SPOCK1: variants seen among roughly 807,000 people sequenced by gnomAD.
The protein encoded by SPOCK1 is testican-1.
Under a neutral mutation model 55.3 loss-of-function variants are expected in SPOCK1, and 23 were observed. The observed-to-expected ratio is 0.42, with a 90% CI of 0.30 to 0.59. The LOEUF (loss-of-function observed/expected upper bound fraction) is 0.59, where lower values mean the gene tolerates loss of function less well. Ranked by LOEUF, SPOCK1 falls within the 20% of genes least tolerant of loss-of-function variation. SPOCK1 has a pLI of 0.22. For synonymous variants in SPOCK1, 226 were observed against 221.0 expected (o/e 1.02, Z -0.20); for missense variants, 499 against 552.5 (o/e 0.90, Z 0.97).
intron 2 of SPOCK1, among the ~76,000 whole-genome samples, chr5:137,390,944 G>A (rs1272609414): frequency 6.6e-6 from 1 of 152,132 alleles, no homozygotes; most frequent in Non-Finnish European, 1.5e-5. Context: ...GAACGTGCAG[G>A]TTTGTTACAT....
At chr5:136,981,647 C>T (rs147081488) in intron 9 of SPOCK1, among the ~76,000 whole-genome samples, 10 of 152,102 alleles carry the variant, frequency 6.6e-5, no homozygotes, top group African/African-American at 2.4e-4. Flanking sequence ...TGTGTTGTGG[C>T]CGGTAAGTTT....
At chr5:137,375,285 A>C (rs1751288938) in intron 2 of SPOCK1, among the ~76,000 whole-genome samples, 1 of 152,258 alleles carries the variant, frequency 6.6e-6, no homozygotes, top group African/African-American at 2.4e-5. Flanking sequence ...ACACCATGGT[A>C]ATCCCATAGA....
intron 2 of SPOCK1, among the ~76,000 whole-genome samples, chr5:137,456,937 A>T (rs944088397): frequency 1.6e-4 from 25 of 152,364 alleles, no homozygotes; most frequent in African/African-American, 5.8e-4. Flanking sequence ...TAGTGGGTAT[A>T]TTAACCTTTG....
At chr5:137,034,189 C>T (rs1751835456) in intron 6 of SPOCK1, among the ~76,000 whole-genome samples, 1 of 152,182 alleles carries the variant, frequency 6.6e-6, no homozygotes, top group Non-Finnish European at 1.5e-5. Flanking sequence ...TGCAGTAAGT[C>T]CCTGCCCTCA....
rs75749369 is a variant in SPOCK1, at chr5:137,086,181, G to A, written c.475-18352C>T. Among the ~76,000 whole-genome samples the A allele has an allele frequency of 5.4e-3, 817 of 152,178 alleles. 46 individuals carry two copies. The East Asian group carries it at 0.13, about 24-fold the overall frequency. On this transcript the variant is annotated intron_variant, in intron 5 of 10. Transcript: ENST00000394945. ...CCAGACCTTCTGCCTGAGCTCTGGG[G>A]CTCCTTCCTTCTACCCCTCCCTGCA...
intron 7 of SPOCK1, among the ~76,000 whole-genome samples, chr5:136,992,221 C>G (rs184578548): frequency 1.3e-5 from 2 of 152,218 alleles, no homozygotes; most frequent in African/African-American, 4.8e-5. Context: ...TACACACACA[C>G]GCTGTTTCAT....
chr5:137,409,099 C>G (rs921166256), intron 2 of SPOCK1, among the ~76,000 whole-genome samples: 5 of 152,154 alleles, frequency 3.3e-5, no homozygotes, highest in African/African-American at 1.2e-4. Context: ...CTCCAGTCCC[C>G]CATACAATCT....
At chr5:137,402,718 A>G (rs1228979719) in intron 2 of SPOCK1, among the ~76,000 whole-genome samples, 6 of 152,234 alleles carry the variant, frequency 3.9e-5, no homozygotes, top group Non-Finnish European at 7.3e-5. Context: ...GAGTGAGGGG[A>G]AAATATCTGA....
At chr5:137,391,857 G>A (rs1241080552) in intron 2 of SPOCK1, among the ~76,000 whole-genome samples, 1 of 152,124 alleles carries the variant, frequency 6.6e-6, no homozygotes, top group African/African-American at 2.4e-5. Context: ...CCAAAACAAA[G>A]GTCCTGGGCT....
chr5:137,249,477 G>A (rs1756464644), intron 3 of SPOCK1, among the ~76,000 whole-genome samples: 1 of 151,976 alleles, frequency 6.6e-6, no homozygotes, highest in African/African-American at 2.4e-5. Flanking sequence ...ACATGAAAAG[G>A]CAAGTATGCA....
At chr5:137,351,713 C>A (rs1257078281) in intron 2 of SPOCK1, among the ~76,000 whole-genome samples, 1 of 152,218 alleles carries the variant, frequency 6.6e-6, no homozygotes, top group Non-Finnish European at 1.5e-5. Flanking sequence ...CATATGGTAA[C>A]TAAACATTTC....
chr5:137,489,330 C>T (rs1044324881), intron 2 of SPOCK1, among the ~76,000 whole-genome samples: 4 of 152,158 alleles, frequency 2.6e-5, no homozygotes, highest in Non-Finnish European at 4.4e-5. Flanking sequence ...GAAGGAGCAA[C>T]CCCATGTATA....
At chr5:137,488,750 T>C (rs1754114245) in intron 2 of SPOCK1, among the ~76,000 whole-genome samples, 1 of 152,190 alleles carries the variant, frequency 6.6e-6, no homozygotes, top group Non-Finnish European at 1.5e-5. Context: ...TCCACTTCCC[T>C]GCTCCAATCA....
intron 6 of SPOCK1, among the ~76,000 whole-genome samples, chr5:137,013,427 T>A (rs1426152845): frequency 6.6e-6 from 1 of 152,236 alleles, no homozygotes; most frequent in African/African-American, 2.4e-5. Flanking sequence ...TGCAGCCTCG[T>A]GTTAAAGAGA....
intron 2 of SPOCK1, among the ~76,000 whole-genome samples, chr5:137,436,182 T>C (rs1006016450): frequency 3.3e-5 from 5 of 152,194 alleles, no homozygotes; most frequent in African/African-American, 1.2e-4. Flanking sequence ...ATATTAATTC[T>C]GTATGGAGAA....
chr5:137,082,666 C>T (rs1752895257), intron 5 of SPOCK1, among the ~76,000 whole-genome samples: 1 of 152,174 alleles, frequency 6.6e-6, no homozygotes, highest in South Asian at 2.1e-4. Context: ...CTTAGATTTC[C>T]ATCCTGGCTG....
chr5:137,170,821 T>C (rs958679758), intron 3 of SPOCK1, among the ~76,000 whole-genome samples: 1 of 152,188 alleles, frequency 6.6e-6, no homozygotes, highest in Non-Finnish European at 1.5e-5. Context: ...GCAAGATGAC[T>C]AATGCAGGTG....
At chr5:137,104,072 G>T (rs1331193960) in intron 5 of SPOCK1, among the ~76,000 whole-genome samples, 1 of 152,222 alleles carries the variant, frequency 6.6e-6, no homozygotes, top group Non-Finnish European at 1.5e-5. Context: ...AAGCAGCAGT[G>T]ATATGGTTTG....
At chr5:136,988,035 G>A (rs966742296) in intron 8 of SPOCK1, among the ~76,000 whole-genome samples, 1 of 152,124 alleles carries the variant, frequency 6.6e-6, no homozygotes, top group African/African-American at 2.4e-5. Flanking sequence ...ACTGACAAGT[G>A]ACTTTCTCAA....
Sources: gnomAD v4.1 joint callset for allele counts (sites outside exome capture counted in the v4.1 genomes callset) on GRCh38, gnomAD v4.1.1 for gene constraint, MANE v1.5 for transcripts, NCBI Gene and HGNC (gene_info 2026-07-23, HGNC 2026-07-21) for gene names.